Variants in AP3D1 observed in about 807,000 individuals in gnomAD.
AP3D1 encodes AP-3 complex subunit delta-1.
In AP3D1, 51 loss-of-function variants were observed where a neutral mutation model predicts 147.6. The observed-to-expected ratio is 0.35, with a 90% CI of 0.28 to 0.44. AP3D1 has a LOEUF of 0.44. AP3D1 is among the 20% of genes least tolerant of loss of function. AP3D1 has a pLI of 1.00. For missense variants in AP3D1, 1,421 were observed against 1,624.2 expected (o/e 0.87, Z 2.15); for synonymous variants, 760 against 663.0 (o/e 1.15, Z -2.25).
intron 1 of AP3D1, among the ~76,000 whole-genome samples, chr19:2,148,712 A>T (rs1219049246): frequency 6.6e-6 from 1 of 152,236 alleles, no homozygotes. Flanking sequence ...TCAGCCAGTC[A>T]GCCCAAGCAC....
At chr19:2,113,484 G>A (rs906292193) in intron 22 of AP3D1, 71 bp from the exon 23 acceptor site, 35 of 914,752 alleles carry the variant, frequency 3.8e-5, no homozygotes, top group Non-Finnish European at 5.1e-5. Context: ...GGGACAGCAG[G>A]GCCAAGGAGG....
chr19:2,121,319 A>C lies in AP3D1; in HGVS notation c.1102-8T>G. 6.2e-7 allele frequency: 1 copy of C among 1,614,008 alleles called. No individual in the cohort carries two copies. The stretch of plus-strand genomic sequence containing the variant: ...CAGGTTCTTCTTGGACACCTGGGCA[A>C]AAGTGTACAGACAGTGGTGAGAGCG... On this transcript the variant is annotated splice_region_variant and splice_polypyrimidine_tract_variant and intron_variant, in intron 12 of 31. Transcript: ENST00000643116.
At chr19:2,123,806 G>T (rs755960665) in intron 10 of AP3D1, 24 bp downstream of exon 10, 1 of 1,558,394 alleles carries the variant, frequency 6.4e-7, no homozygotes. Flanking sequence ...GGACCCCATG[G>T]GCCCCGCCCA....
chr19:2,151,387 GGGGGCCC>G lies in AP3D1; in HGVS notation c.-60_-54del, dbSNP rs754702770. ...GGAGGCCCGCGGCTGGGCGCCGTGA[GGGGGCCC>G]GGGGCCCGTGCCTGCCGCCCGCGGA... On this transcript the variant is annotated 5_prime_UTR_variant, in exon 1 of 32. Coordinates refer to ENST00000643116, the MANE Select transcript of AP3D1 (RefSeq NM_001261826.3). 6.5e-4 allele frequency: 847 copies of G among 1,307,406 alleles called. No individual in the cohort carries two copies. Among genetic ancestry groups the G allele is most frequent in the Non-Finnish European group, 7.6e-4 (751 of 992,680 alleles). The allele number at this position is 1,307,406 out of a possible 1,614,324, so 81.0% of individuals were successfully genotyped here.
chr19:2,145,534 T>C (rs1278621555), intron 1 of AP3D1, among the ~76,000 whole-genome samples: 1 of 152,124 alleles, frequency 6.6e-6, no homozygotes, highest in Admixed American at 6.6e-5. Context: ...TGCCCTGCAG[T>C]GCCCCAACAC....
Position 2,129,468 on chromosome 19 carries a change from A to C in AP3D1, c.593-11T>G. 1 of 1,612,192 alleles carries C rather than the reference A, an allele frequency of 6.2e-7. No homozygotes were observed. Among genetic ancestry groups the C allele is most frequent in the Non-Finnish European group, 8.5e-7 (1 of 1,178,832 alleles). On this transcript the variant is annotated splice_polypyrimidine_tract_variant and intron_variant, in intron 6 of 31. Coordinates refer to ENST00000643116, the MANE Select transcript of AP3D1 (RefSeq NM_001261826.3). ...CAGCCGACTGAACCCCTGGGGAACAAGGGGTTCTCATCAGCATGCCTGTCC... is the reference window on the plus strand; with the variant it reads ...CAGCCGACTGAACCCCTGGGGAACACGGGGTTCTCATCAGCATGCCTGTCC...
Position 2,132,358 on chromosome 19 carries a change from G to A in AP3D1, c.462+113C>T, listed in dbSNP as rs555785765. ...TTGGTTCCCATTTCAGGCAGGCCAC[G>A]CACCGGGGACCCCGGCCGGTTTCCG... is the stretch of plus-strand genomic sequence containing the variant. On this transcript the variant is annotated intron_variant, in intron 5 of 31. Transcript: ENST00000643116. The A allele has an allele frequency of 7.8e-5, 71 of 908,512 alleles. No homozygotes were observed. In the African/African-American group the frequency reaches 9.6e-4, roughly 12 times the overall value. The allele number at this position is 908,512 out of a possible 1,614,324, so 56.3% of individuals were successfully genotyped here.
At chr19:2,120,699 G>A (rs368698077) in intron 14 of AP3D1, among the ~76,000 whole-genome samples, 163 bp downstream of exon 14, 2 of 152,306 alleles carry the variant, frequency 1.3e-5, no homozygotes, top group African/African-American at 4.8e-5. Context: ...GAATGGGCCC[G>A]ACCATTGTCA....
chr19:2,123,917 C>G, intron 9 of AP3D1, 38 bp from the exon 10 acceptor site: 1 of 1,558,214 alleles, frequency 6.4e-7, no homozygotes, highest in Non-Finnish European at 8.7e-7. Context: ...CGGTCAGCAC[C>G]ATGGCCAGCG....
intron 31 of AP3D1, among the ~76,000 whole-genome samples, chr19:2,107,944 C>T (rs2018158634): frequency 6.6e-6 from 1 of 152,176 alleles, no homozygotes; most frequent in Admixed American, 6.5e-5. Context: ...AACTACCAAA[C>T]TCACCCAACG....
chr19:2,106,683 G>A (rs1342183328), intron 31 of AP3D1, among the ~76,000 whole-genome samples: 3 of 152,314 alleles, frequency 2.0e-5, no homozygotes, highest in Admixed American at 2.0e-4. Context: ...TGGACACACA[G>A]CATGGTCCAT....
intron 11 of AP3D1, among the ~76,000 whole-genome samples, chr19:2,123,046 G>C (rs751239763): frequency 6.6e-6 from 1 of 152,270 alleles, no homozygotes; most frequent in African/African-American, 2.4e-5. Context: ...TTCGGACCAA[G>C]GTGCTCAGTG....
chr19:2,141,606 T>C (rs952989330), intron 1 of AP3D1, among the ~76,000 whole-genome samples: 1 of 151,968 alleles, frequency 6.6e-6, no homozygotes, highest in Non-Finnish European at 1.5e-5. Flanking sequence ...CACGCCCAGC[T>C]AATTTTTGCA....
chr19:2,115,104 G>A lies in AP3D1; in HGVS notation c.2349+115C>T, dbSNP rs547514370. 642 of 1,129,552 alleles carry A rather than the reference G, an allele frequency of 5.7e-4. 1 individual carries two copies. Among genetic ancestry groups the A allele is most frequent in the Non-Finnish European group, 5.7e-4 (447 of 788,442 alleles). The allele number at this position is 1,129,552 out of a possible 1,614,324, so 70.0% of individuals were successfully genotyped here. ...TCTCCTCCTATGCTCTCCGGGGTGG[G>A]GCCTCATCCCAGCCACCAACGAAGA... On this transcript the variant is annotated intron_variant, in intron 20 of 31. Coordinates refer to ENST00000643116, the MANE Select transcript of AP3D1 (RefSeq NM_001261826.3).
chr19:2,142,632 G>A (rs1029722366), intron 1 of AP3D1, among the ~76,000 whole-genome samples: 2 of 152,212 alleles, frequency 1.3e-5, no homozygotes, highest in Admixed American at 6.5e-5. Context: ...CCACGTGGCC[G>A]CCTGGCTGAG....
Position 2,127,167 on chromosome 19 carries a change from T to C in AP3D1, c.841A>G (p.Asn281Asp). The C allele has an allele frequency of 6.2e-7, 1 of 1,613,980 alleles. No homozygotes were observed. Among genetic ancestry groups the C allele is most frequent in the African/African-American group, 1.3e-5 (1 of 75,042 alleles). Residue 281 changes from asparagine to aspartate, a missense_variant, in exon 9 of 32, where the codon AAC becomes GAC. By Grantham distance (23) the Asn-to-Asp change is conservative. Coordinates refer to ENST00000643116, the MANE Select transcript of AP3D1 (RefSeq NM_001261826.3). ...CAGTTCTCACCTGCAATCACGGTGT[T>C]CACACATTCATAGAGGAGAGACATG... ...SAMSLLYECV[N>D]TVIAVLISLS...
intron 1 of AP3D1, chr19:2,164,199 G>A: frequency 7.9e-7 from 1 of 1,268,216 alleles, no homozygotes; most frequent in Non-Finnish European, 9.9e-7. Context: ...GGGAGAAGCT[G>A]GAGCTGAGAC....
intron 1 of AP3D1, among the ~76,000 whole-genome samples, chr19:2,160,008 G>A (rs143101655): frequency 4.5e-4 from 68 of 151,906 alleles, no homozygotes; most frequent in Admixed American, 8.5e-4. Context: ...TAGCCACTGC[G>A]CCTGGCCATT....
chr19:2,158,740 A>C (rs1243652390), intron 1 of AP3D1, among the ~76,000 whole-genome samples: 1 of 151,608 alleles, frequency 6.6e-6, no homozygotes, highest in Non-Finnish European at 1.5e-5. Context: ...AGGAGCCACC[A>C]CCACACCCAG....
Sources: allele counts gnomAD v4.1 joint callset (sites outside exome capture counted in the v4.1 genomes callset), GRCh38; gene constraint gnomAD v4.1.1; transcripts MANE v1.5; gene names NCBI Gene and HGNC (gene_info 2026-07-23, HGNC 2026-07-21).